Variants in MAP3K4 observed in about 807,000 individuals in gnomAD.
The protein encoded by MAP3K4 is mitogen-activated protein kinase kinase kinase 4.
MAP3K4 carries 67 observed loss-of-function variants against 185.6 expected under a neutral mutation model. That is an observed-to-expected ratio of 0.36 (90% CI 0.30 to 0.44). The LOEUF (loss-of-function observed/expected upper bound fraction) is 0.44. Among genes scored for constraint, MAP3K4 ranks in the 20% least tolerant of loss-of-function variants. MAP3K4 has a pLI of 1.00. For missense variants in MAP3K4, 1,551 were observed against 1,995.1 expected (o/e 0.78, Z 4.24); for synonymous variants, 702 against 710.4 (o/e 0.99, Z 0.19).
intron 19 of MAP3K4, 28 bp downstream of exon 19, chr6:161,102,807 A>G: frequency 7.8e-7 from 1 of 1,285,066 alleles, no homozygotes; most frequent in Non-Finnish European, 1.1e-6. Flanking sequence ...GAAGTTAAAA[A>G]AAAAAAAAAA....
At position 161,008,843 on chromosome 6, in the gene MAP3K4, T is replaced by G. The variant is rs1781714153; in HGVS notation, c.152+16760T>G. Among the ~76,000 whole-genome samples, 1 of 152,192 alleles carries G rather than the reference T, an allele frequency of 6.6e-6. No individual in the cohort carries two copies. The highest frequency in any genetic ancestry group is 2.1e-4 in the South Asian group (1 of 4,830). On this transcript the variant is annotated intron_variant, in intron 1 of 26. Transcript: ENST00000392142. The surrounding 1 kb of genome is among the most constrained non-coding windows in gnomAD (Gnocchi z 4.1). ...GTGCTTGTGAGGTTCATCTATGTTG[T>G]TTTGGTTGATGGTGGTTCTTTCATT...
At chr6:161,001,575 G>A (rs998708124) in intron 1 of MAP3K4, among the ~76,000 whole-genome samples, 1 of 152,128 alleles carries the variant, frequency 6.6e-6, no homozygotes, top group African/African-American at 2.4e-5. Flanking sequence ...ACTCCATGAG[G>A]GCTGGGGCAT....
rs145452210 is a variant in MAP3K4, at chr6:161,041,471, G to A, written c.343+7022G>A. On this transcript the variant is annotated intron_variant, in intron 2 of 26. Coordinates refer to ENST00000392142, the MANE Select transcript of MAP3K4 (RefSeq NM_005922.4). ...GTGAACCCCTGAGATACGGCCATTT[G>A]CAGGGCTGTCGCATGGAGGACTTGC... is the stretch of plus-strand genomic sequence containing the variant. 4.5e-3 allele frequency among the ~76,000 whole-genome samples: 689 copies of A among 152,340 alleles called. 6 individuals are homozygous for A. Among genetic ancestry groups the A allele is most frequent in the African/African-American group, 0.016 (655 of 41,590 alleles).
chr6:161,091,613 C>T lies in MAP3K4; in HGVS notation c.3135+73C>T. ...ATAACTTACAGAAAGTTTTTGGAAC[C>T]TTTTACAGTAAATCTGATATTGTAA... On this transcript the variant is annotated intron_variant, in intron 12 of 26. Transcript: ENST00000392142. This position sits in a 1 kb window ranked among gnomAD's most constrained non-coding sequence, Gnocchi z 5.5. 1 of 1,308,858 alleles carries T rather than the reference C, an allele frequency of 7.6e-7. No homozygotes were observed. Among genetic ancestry groups the T allele is most frequent in the Non-Finnish European group, 1.1e-6 (1 of 931,540 alleles). 81.1% of individuals were successfully genotyped at this position (1,308,858 alleles called of 1,614,324 possible).
intron 2 of MAP3K4, among the ~76,000 whole-genome samples, chr6:161,039,132 G>A (rs545954870): frequency 3.8e-4 from 58 of 152,234 alleles, no homozygotes; most frequent in Non-Finnish European, 6.8e-4. Flanking sequence ...TGTGGGAGGC[G>A]ACTGCTCAAG....
At position 161,109,007 on chromosome 6, in the gene MAP3K4, C is replaced by T. The variant is rs752945258; in HGVS notation, c.4236+148C>T. ...TCTCCATGAGTTACATCATTTCTGC[C>T]TTCTCTCTGAAACTAGAGGAGTTCC... is the stretch of plus-strand genomic sequence containing the variant. On this transcript the variant is annotated intron_variant, in intron 22 of 26. Coordinates refer to ENST00000392142, the MANE Select transcript of MAP3K4 (RefSeq NM_005922.4). The surrounding 1 kb of genome is among the most constrained non-coding windows in gnomAD (Gnocchi z 5.7). The T allele has an allele frequency of 1.3e-6, 2 of 1,588,062 alleles. No individual in the cohort carries two copies. Among genetic ancestry groups the T allele is most frequent in the East Asian group, 2.3e-5 (1 of 44,372 alleles).
Position 161,059,416 on chromosome 6 carries a change from C to T in MAP3K4, c.1707+9437C>T, listed in dbSNP as rs574885736. On this transcript the variant is annotated intron_variant, in intron 3 of 26. Coordinates refer to ENST00000392142, the MANE Select transcript of MAP3K4 (RefSeq NM_005922.4). ...TCTCCCAAAGTACTGGGATTACAGG[C>T]GTGAGCCACTGGCACCCGACCTAAA... Among the ~76,000 whole-genome samples, 6 of 152,278 alleles carry T rather than the reference C, an allele frequency of 3.9e-5. No individual in the cohort carries two copies. The East Asian group carries it at 5.8e-4, about 15-fold the overall frequency.
chr6:161,033,994 C>G (rs1783043755), intron 1 of MAP3K4, among the ~76,000 whole-genome samples: 2 of 152,102 alleles, frequency 1.3e-5, no homozygotes. Flanking sequence ...GCTCTATAAA[C>G]AAGAGAAACA....
Position 161,089,584 on chromosome 6 carries a change from G to T in MAP3K4, c.2973+113G>T. The T allele has an allele frequency of 7.5e-6, 8 of 1,060,878 alleles. No homozygotes were observed. In the South Asian group the frequency reaches 1.3e-4, roughly 18 times the overall value. The allele number at this position is 1,060,878 out of a possible 1,614,324, so 65.7% of individuals were successfully genotyped here. On this transcript the variant is annotated intron_variant, in intron 11 of 26. Coordinates refer to ENST00000392142, the MANE Select transcript of MAP3K4 (RefSeq NM_005922.4). ...AGGAACTTGAGCTCCTGAATTGCCTGCCCACTCACCTCTCTTCCCAATACA... is the reference window on the plus strand; with the variant it reads ...AGGAACTTGAGCTCCTGAATTGCCTTCCCACTCACCTCTCTTCCCAATACA...
At chr6:161,068,877 A>T (rs1310830829) in intron 3 of MAP3K4, among the ~76,000 whole-genome samples, 2 of 152,208 alleles carry the variant, frequency 1.3e-5, no homozygotes, top group Admixed American at 1.3e-4. Flanking sequence ...AGCCGTAAAA[A>T]TTAGTCCACT....
Position 161,008,673 on chromosome 6 carries a change from T to C in MAP3K4, c.152+16590T>C, listed in dbSNP as rs630430. Among the ~76,000 whole-genome samples, 140,813 of 152,230 alleles carry C rather than the reference T, an allele frequency of 0.93. 65,397 individuals are homozygous for C. The highest frequency in any genetic ancestry group is 0.94 in the Non-Finnish European group (64,132 of 68,024). On this transcript the variant is annotated intron_variant, in intron 1 of 26. Coordinates refer to ENST00000392142, the MANE Select transcript of MAP3K4 (RefSeq NM_005922.4). The surrounding 1 kb of genome is among the most constrained non-coding windows in gnomAD (Gnocchi z 4.1). ...ATAAATTGTTCAAAAGCAAATACAG[T>C]GTTATAAAGTTTACCTAAGTGAAGA...
rs1032719844 is a variant in MAP3K4 at position 161,075,814 on chromosome 6, C to G, written c.2097+2202C>G. On this transcript the variant is annotated intron_variant, in intron 5 of 26. Coordinates refer to ENST00000392142, the MANE Select transcript of MAP3K4 (RefSeq NM_005922.4). This position sits in a 1 kb window ranked among gnomAD's most constrained non-coding sequence, Gnocchi z 4.3. ...ATTACTGTCAATTATCCACATCTCT[C>G]TTCTTACAGATGAAAAAACTAGAGA... 6.6e-6 allele frequency among the ~76,000 whole-genome samples: 1 copy of G among 152,192 alleles called. No homozygotes were observed. The highest frequency in any genetic ancestry group is 1.5e-5 in the Non-Finnish European group (1 of 68,042).
At chr6:160,999,049 T>C (rs186935671) in intron 1 of MAP3K4, among the ~76,000 whole-genome samples, 13 of 152,356 alleles carry the variant, frequency 8.5e-5, no homozygotes, top group Admixed American at 8.5e-4. Flanking sequence ...CTATTAAGAA[T>C]ATATTAGGCA....
At chr6:160,993,681 C>G (rs1442760917) in intron 1 of MAP3K4, among the ~76,000 whole-genome samples, 1 of 151,244 alleles carries the variant, frequency 6.6e-6, no homozygotes, top group East Asian at 1.9e-4. Flanking sequence ...TAGGTAAAAG[C>G]GAGAAGGGCA....
At position 161,086,572 on chromosome 6, in the gene MAP3K4, C is replaced by T. The variant is rs774553126; in HGVS notation, c.2473-12C>T. 6.2e-7 allele frequency: 1 copy of T among 1,611,750 alleles called. No individual in the cohort carries two copies. The highest frequency in any genetic ancestry group is 1.3e-5 in the African/African-American group (1 of 74,720). ...TAACCGTAAAGAAGTTTCTTTGTAA[C>T]TGTGATCCTAGGACCTGGAAATAGC... On this transcript the variant is annotated splice_polypyrimidine_tract_variant and intron_variant, in intron 8 of 26. Coordinates refer to ENST00000392142, the MANE Select transcript of MAP3K4 (RefSeq NM_005922.4). The surrounding 1 kb of genome is among the most constrained non-coding windows in gnomAD (Gnocchi z 4.8).
Position 161,034,073 on chromosome 6 carries a change from T to C in MAP3K4, c.153-186T>C, listed in dbSNP as rs1487079412. Among the ~76,000 whole-genome samples the C allele has an allele frequency of 6.6e-6, 1 of 152,214 alleles. No homozygotes were observed. The highest frequency in any genetic ancestry group is 2.4e-5 in the African/African-American group (1 of 41,462). On this transcript the variant is annotated intron_variant, in intron 1 of 26. Transcript: ENST00000392142. This position sits in a 1 kb window ranked among gnomAD's most constrained non-coding sequence, Gnocchi z 4.4. Reference sequence around the variant, plus strand: ...TAGGAGAAGCGGCAGTCACAATTATTACTCTCTTCAAGCAAAAGAAAAGTT... The same window carrying C: ...TAGGAGAAGCGGCAGTCACAATTATCACTCTCTTCAAGCAAAAGAAAAGTT...
chr6:161,104,305 T>C (rs1297739233), intron 19 of MAP3K4, among the ~76,000 whole-genome samples: 2 of 151,138 alleles, frequency 1.3e-5, no homozygotes, highest in South Asian at 2.1e-4. Context: ...TCCCGGCTAC[T>C]CAGGAGGCTG....
At chr6:161,081,573 G>A (rs1785460104) in intron 6 of MAP3K4, among the ~76,000 whole-genome samples, 1 of 152,138 alleles carries the variant, frequency 6.6e-6, no homozygotes, top group African/African-American at 2.4e-5. Flanking sequence ...TTTATGAATT[G>A]GGTGTATATA....
rs1473486584 is a variant in MAP3K4 at position 161,115,018 on chromosome 6, C to T, written c.4627-105C>T. 2.0e-6 allele frequency: 2 copies of T among 1,018,774 alleles called. No individual in the cohort carries two copies. The highest frequency in any genetic ancestry group is 2.9e-6 in the Non-Finnish European group (2 of 693,850). The allele number at this position is 1,018,774 out of a possible 1,614,324, so 63.1% of individuals were successfully genotyped here. A position where few individuals can be genotyped will look rare whatever the true frequency, so the allele number is the denominator to read the frequency against. On this transcript the variant is annotated intron_variant, in intron 25 of 26. Coordinates refer to ENST00000392142, the MANE Select transcript of MAP3K4 (RefSeq NM_005922.4). This position sits in a 1 kb window ranked among gnomAD's most constrained non-coding sequence, Gnocchi z 6.0. ...GCCCTTTCAGTAAAAATTTGCTGTC[C>T]CCTGATATATATTAATGATGAGATG...
Sources: allele counts gnomAD v4.1 joint callset (sites outside exome capture counted in the v4.1 genomes callset), GRCh38; gene constraint gnomAD v4.1.1; non-coding constraint Gnocchi (gnomAD v3.1); transcripts MANE v1.5; gene names NCBI Gene and HGNC (gene_info 2026-07-23, HGNC 2026-07-21).